The following SNTG1 variants were observed in gnomAD, a reference collection of about 807,000 sequenced individuals.
The protein encoded by SNTG1 is gamma-1-syntrophin.
A neutral mutation model predicts 74.7 loss-of-function variants in SNTG1; 39 were observed. The ratio of observed to expected loss-of-function variants is 0.52; its 90% confidence interval spans 0.40 to 0.68. The LOEUF is 0.68. SNTG1 is among the 30% of genes least tolerant of loss of function. The probability of loss-of-function intolerance (pLI) is 0.00; values close to 1 mark genes in which losing one functional copy is unlikely to be tolerated. For missense variants in SNTG1, 685 were observed against 609.5 expected (o/e 1.12, Z -1.30); for synonymous variants, 254 against 217.1 (o/e 1.17, Z -1.49).
At chr8:50,581,345 T>C (rs7842259) in intron 12 of SNTG1, among the ~76,000 whole-genome samples, 38,842 of 152,086 alleles carry the variant, frequency 0.26, 8,426 homozygotes, top group African/African-American at 0.59. Context: ...AATCAATAAA[T>C]TCTATGGTCA....
At chr8:49,954,209 T>A (rs1017900698) in intron 1 of SNTG1, among the ~76,000 whole-genome samples, 7 of 152,154 alleles carry the variant, frequency 4.6e-5, no homozygotes, top group Non-Finnish European at 1.0e-4. Flanking sequence ...AGAGAGAGAA[T>A]CACATATGGT....
chr8:50,229,560 C>G (rs1477064928), intron 2 of SNTG1, among the ~76,000 whole-genome samples: 1 of 151,242 alleles, frequency 6.6e-6, no homozygotes, highest in Admixed American at 6.6e-5. Flanking sequence ...AACATGTACA[C>G]AATTAAAAAG....
chr8:50,087,544 T>G (rs1414003223), intron 1 of SNTG1, among the ~76,000 whole-genome samples: 3 of 152,158 alleles, frequency 2.0e-5, no homozygotes, highest in Non-Finnish European at 4.4e-5. Flanking sequence ...ATATTTTAGG[T>G]GCTTTCATGG....
chr8:50,381,687 A>G (rs2092486170), intron 2 of SNTG1, among the ~76,000 whole-genome samples: 1 of 140,232 alleles, frequency 7.1e-6, no homozygotes, highest in Non-Finnish European at 1.5e-5. Context: ...TATAGGATAT[A>G]TATATCCTAT....
At chr8:50,381,558 A>ATGTGTGTGTG (rs372674229) in intron 2 of SNTG1, among the ~76,000 whole-genome samples, 17 of 108,596 alleles carry the variant, frequency 1.6e-4, no homozygotes, top group Non-Finnish European at 2.4e-4. Flanking sequence ...CTAATAGGAT[A>ATGTGTGTGTG]TGTGTGTGTG....
intron 12 of SNTG1, among the ~76,000 whole-genome samples, chr8:50,560,094 G>A (rs1300456932): frequency 6.6e-6 from 1 of 152,088 alleles, no homozygotes; most frequent in Non-Finnish European, 1.5e-5. Context: ...AGACACTCAT[G>A]CAGCCAAAAA....
At chr8:50,396,062 T>A (rs2131321592) in intron 3 of SNTG1, among the ~76,000 whole-genome samples, 1 of 152,326 alleles carries the variant, frequency 6.6e-6, no homozygotes, top group African/African-American at 2.4e-5. Context: ...TAAACAAAAT[T>A]GTTTTGATGT....
At chr8:50,236,057 G>C (rs2085874355) in intron 2 of SNTG1, among the ~76,000 whole-genome samples, 1 of 152,030 alleles carries the variant, frequency 6.6e-6, no homozygotes, top group African/African-American at 2.4e-5. Flanking sequence ...CACAGTGTGA[G>C]AGATTTTTGA....
chr8:50,480,682 G>C (rs1358989601), intron 8 of SNTG1, among the ~76,000 whole-genome samples: 1 of 152,140 alleles, frequency 6.6e-6, no homozygotes, highest in African/African-American at 2.4e-5. Context: ...AATGTTGAAG[G>C]TTTGGTCAAA....
chr8:50,662,293 A>C (rs1024116222), intron 15 of SNTG1, among the ~76,000 whole-genome samples: 2 of 152,232 alleles, frequency 1.3e-5, no homozygotes, highest in African/African-American at 4.8e-5. Flanking sequence ...GCCTGTGACC[A>C]TTAATCAGGA....
At chr8:49,971,446 A>C (rs896445590) in intron 1 of SNTG1, among the ~76,000 whole-genome samples, 1 of 152,184 alleles carries the variant, frequency 6.6e-6, no homozygotes, top group Non-Finnish European at 1.5e-5. Flanking sequence ...ACTCCCTTTC[A>C]AAACTGGCAC....
chr8:50,781,875 C>T lies in SNTG1; in HGVS notation c.1396-10796C>T, dbSNP rs2131834507. On this transcript the variant is annotated intron_variant, in intron 18 of 18. Coordinates refer to ENST00000642720, the MANE Select transcript of SNTG1 (RefSeq NM_018967.5). ...TCCTTTCCATGTTTAGTGCTTCCTT[C>T]AGGAACTCTTTTAGGGTAGGCCTGG... Among the ~76,000 whole-genome samples the T allele has an allele frequency of 1.3e-5, 2 of 152,266 alleles. 1 individual carries two copies. Among genetic ancestry groups the T allele is most frequent in the African/African-American group, 4.8e-5 (2 of 41,568 alleles).
chr8:50,254,853 GA>G (rs11377291), intron 2 of SNTG1, among the ~76,000 whole-genome samples: 82,515 of 142,582 alleles, frequency 0.58, 27,205 homozygotes, highest in East Asian at 0.84. Flanking sequence ...ACTCCTCAAA[GA>G]AAAAAAAAAA....
intron 12 of SNTG1, among the ~76,000 whole-genome samples, chr8:50,576,134 C>G (rs2094575501): frequency 6.6e-6 from 1 of 152,152 alleles, no homozygotes; most frequent in African/African-American, 2.4e-5. Flanking sequence ...GTCTTATGCT[C>G]AGGTCTTTGG....
chr8:50,103,482 G>A lies in SNTG1; in HGVS notation c.-102-69079G>A, dbSNP rs570100850. On this transcript the variant is annotated intron_variant, in intron 1 of 18. Coordinates refer to ENST00000642720, the MANE Select transcript of SNTG1 (RefSeq NM_018967.5). ...TGGGCTGAGATGATGGGGTTTTCTA[G>A]ATATACAATCATGTCATCTGCAAAC... Among the ~76,000 whole-genome samples, 4 of 152,204 alleles carry A rather than the reference G, an allele frequency of 2.6e-5. No homozygotes were observed. The South Asian group carries it at 8.3e-4, about 32-fold the overall frequency.
intron 1 of SNTG1, among the ~76,000 whole-genome samples, chr8:50,148,437 T>C (rs957651867): frequency 7.9e-5 from 12 of 152,220 alleles, no homozygotes; most frequent in South Asian, 2.1e-4. Context: ...CTTTAACTTC[T>C]AGGGTACATG....
At chr8:50,061,926 A>G (rs1371310257) in intron 1 of SNTG1, among the ~76,000 whole-genome samples, 1 of 152,076 alleles carries the variant, frequency 6.6e-6, no homozygotes, top group Non-Finnish European at 1.5e-5. Context: ...TAAAATATGT[A>G]TTCTGCTACT....
At chr8:50,703,964 T>C (rs2095434947) in intron 15 of SNTG1, among the ~76,000 whole-genome samples, 1 of 152,216 alleles carries the variant, frequency 6.6e-6, no homozygotes, top group African/African-American at 2.4e-5. Context: ...TTCACTTTTT[T>C]TTCTCATGTT....
At chr8:50,754,869 G>C (rs6473339) in intron 18 of SNTG1, among the ~76,000 whole-genome samples, 14,033 of 151,646 alleles carry the variant, frequency 0.093, 1,908 homozygotes, top group African/African-American at 0.3. Context: ...TATTTTCATC[G>C]GTTCAATATG....
Sources: gnomAD v4.1 joint callset for allele counts (sites outside exome capture counted in the v4.1 genomes callset) on GRCh38, gnomAD v4.1.1 for gene constraint, MANE v1.5 for transcripts, NCBI Gene and HGNC (gene_info 2026-07-23, HGNC 2026-07-21) for gene names.